SLC25A25: variants seen among roughly 807,000 people sequenced by gnomAD.
SLC25A25 encodes mitochondrial adenyl nucleotide antiporter SLC25A25.
Under a neutral mutation model 57.7 loss-of-function variants are expected in SLC25A25, and 32 were observed. That is an observed-to-expected ratio of 0.55 (90% confidence interval 0.42 to 0.74). The LOEUF is 0.74. Ranked by LOEUF, SLC25A25 falls within the 30% of genes least tolerant of loss-of-function variation. SLC25A25 has a pLI of 0.00. For missense variants in SLC25A25, 556 were observed against 701.3 expected, an observed-to-expected ratio of 0.79 and a Z score of 2.34; for synonymous variants, 306 against 291.2, an observed-to-expected ratio of 1.05 and a Z score of -0.52.
At chr9:128,105,018 C>T (rs1833960566) in intron 6 of SLC25A25, among the ~76,000 whole-genome samples, 1 of 151,024 alleles carries the variant, frequency 6.6e-6, no homozygotes, top group Admixed American at 6.6e-5. Flanking sequence ...GCTATCACCC[C>T]AGGCTAATTT....
chr9:128,097,303 G>C (rs1157193779), intron 1 of SLC25A25, among the ~76,000 whole-genome samples: 2 of 152,202 alleles, frequency 1.3e-5, no homozygotes, highest in Admixed American at 6.5e-5. Context: ...AGAGAGGGTC[G>C]TCCTGCCCTG....
In SLC25A25 at chr9:128,108,350, C is replaced by T. The variant is rs57052978; in HGVS notation, c.*906C>T. ...AAAGGGTTTTGTCCAGAAGGACAAG[C>T]CGGACAAATGAGCGACTTCTGTGCT... On this transcript the variant is annotated 3_prime_UTR_variant, in exon 11 of 11. Transcript: ENST00000373069. 1.0e-3 allele frequency: 397 copies of T among 398,160 alleles called. 2 individuals are homozygous for T. Among genetic ancestry groups the T allele is most frequent in the African/African-American group, 7.7e-3 (373 of 48,746 alleles). 24.7% of individuals were successfully genotyped at this position (398,160 alleles called of 1,614,324 possible). A position where few individuals can be genotyped will look rare whatever the true frequency, so the allele number is the denominator to read the frequency against.
intron 1 of SLC25A25, among the ~76,000 whole-genome samples, chr9:128,097,935 G>A (rs1196466179): frequency 6.6e-6 from 1 of 152,196 alleles, no homozygotes; most frequent in African/African-American, 2.4e-5. Flanking sequence ...GCCGTGTGTG[G>A]CCAGGGCAGC....
Position 128,108,074 on chromosome 9 carries a change from G to T in SLC25A25, c.*630G>T. 1 of 399,132 alleles carries T rather than the reference G, an allele frequency of 2.5e-6. No homozygotes were observed. The highest frequency in any genetic ancestry group is 4.4e-6 in the Non-Finnish European group (1 of 226,370). 24.7% of individuals were successfully genotyped at this position (399,132 alleles called of 1,614,324 possible). On this transcript the variant is annotated 3_prime_UTR_variant, in exon 11 of 11. Transcript: ENST00000373069. ...AGCCCTGCTGATGGCTGGGGCTCTC[G>T]GGCATGCTTGGGAGTGCAGGGGGCT...
intron 1 of SLC25A25, among the ~76,000 whole-genome samples, chr9:128,094,728 C>G (rs1833511198): frequency 6.6e-6 from 1 of 152,220 alleles, no homozygotes. Flanking sequence ...CGGCCTTTAC[C>G]TGAAGCACCT....
Position 128,105,646 on chromosome 9 carries a change from C to T in SLC25A25, c.784-83C>T, listed in dbSNP as rs117481192. 238 of 1,603,070 alleles carry T rather than the reference C, an allele frequency of 1.5e-4. No individual in the cohort carries two copies. The East Asian group carries it at 5.1e-3, about 34-fold the overall frequency. On this transcript the variant is annotated intron_variant, in intron 6 of 10. Transcript: ENST00000373069. ...AAAGGGCCTTCCCTTTGGCCGCAGC[C>T]GGTTGGCCAGCAGAGGCTCTTGGCC...
chr9:128,101,423 T>C lies in SLC25A25; in HGVS notation c.476+27T>C. 6.2e-7 allele frequency: 1 copy of C among 1,611,690 alleles called. No homozygotes were observed. Among genetic ancestry groups the C allele is most frequent in the Middle Eastern group, 1.7e-4 (1 of 5,750 alleles). Reference sequence around the variant, plus strand: ...TGAGTGCTCAGCCAGCCTCTGTGTTTGGTTTAAGTGTGATGAAGGGAAGGC... The same window carrying C: ...TGAGTGCTCAGCCAGCCTCTGTGTTCGGTTTAAGTGTGATGAAGGGAAGGC... On this transcript the variant is annotated intron_variant, in intron 3 of 10. Transcript: ENST00000373069. This position sits in a 1 kb window ranked among gnomAD's most constrained non-coding sequence, Gnocchi z 4.9.
At chr9:128,105,918 T>C (rs1834011960) in intron 7 of SLC25A25, 37 bp downstream of exon 7, 3 of 1,602,932 alleles carry the variant, frequency 1.9e-6, no homozygotes, top group Non-Finnish European at 2.6e-6. Flanking sequence ...CACCGGCCAG[T>C]GGCTACTCAC....
chr9:128,096,840 G>A (rs1379621919), intron 1 of SLC25A25, among the ~76,000 whole-genome samples: 1 of 152,248 alleles, frequency 6.6e-6, no homozygotes, highest in Non-Finnish European at 1.5e-5. Context: ...TTAAGAGATA[G>A]CTGAGTGTCA....
At chr9:128,105,698 G>A (rs369170860) in intron 6 of SLC25A25, 31 bp from the exon 7 acceptor site, 1 of 1,611,586 alleles carries the variant, frequency 6.2e-7, no homozygotes, top group South Asian at 1.1e-5. Flanking sequence ...GGCCCCCCGG[G>A]TCCGTCTGAC....
chr9:128,075,591 C>T (rs973119088), intron 1 of SLC25A25, among the ~76,000 whole-genome samples: 1 of 152,110 alleles, frequency 6.6e-6, no homozygotes, highest in African/African-American at 2.4e-5. Flanking sequence ...CCTATAATCT[C>T]AGCACTTTGG....
At chr9:128,069,119 C>T (rs1003547347) in intron 1 of SLC25A25, among the ~76,000 whole-genome samples, 1 of 152,260 alleles carries the variant, frequency 6.6e-6, no homozygotes, top group Non-Finnish European at 1.5e-5. Context: ...GGCTCATCTC[C>T]ATTGCCCTGT....
intron 6 of SLC25A25, 115 bp from the exon 7 acceptor site, chr9:128,105,614 A>G (rs1349509729): frequency 2.7e-6 from 4 of 1,498,426 alleles, no homozygotes; most frequent in Non-Finnish European, 2.8e-6. Flanking sequence ...TTCAAAATGC[A>G]CGGAAGAAAG....
chr9:128,091,807 G>T, intron 1 of SLC25A25: 1 of 1,534,788 alleles, frequency 6.5e-7, no homozygotes, highest in South Asian at 1.3e-5. Flanking sequence ...AGAGAGCGTT[G>T]GTACTGTGGT....
At chr9:128,072,695 G>C (rs942355823) in intron 1 of SLC25A25, among the ~76,000 whole-genome samples, 2 of 151,316 alleles carry the variant, frequency 1.3e-5, no homozygotes, top group African/African-American at 4.9e-5. Context: ...CTTGTTCTGG[G>C]ACAAAAAAAG....
intron 1 of SLC25A25, among the ~76,000 whole-genome samples, chr9:128,076,778 G>T (rs897766377): frequency 6.6e-6 from 1 of 152,072 alleles, no homozygotes; most frequent in African/African-American, 2.4e-5. Context: ...CTAACTTTTT[G>T]TTTTTAACCA....
chr9:128,081,077 G>A (rs939604755), intron 1 of SLC25A25, among the ~76,000 whole-genome samples: 8 of 152,170 alleles, frequency 5.3e-5, no homozygotes, highest in Non-Finnish European at 2.9e-5. Context: ...GGATCTAAAG[G>A]TAGATAGTTC....
intron 1 of SLC25A25, among the ~76,000 whole-genome samples, chr9:128,082,241 T>C (rs1214899300): frequency 6.6e-6 from 1 of 152,232 alleles, no homozygotes; most frequent in Non-Finnish European, 1.5e-5. Flanking sequence ...CGGTTCTGTT[T>C]CCTAAAATGG....
At chr9:128,093,395 G>T (rs536105896) in intron 1 of SLC25A25, among the ~76,000 whole-genome samples, 2 of 152,214 alleles carry the variant, frequency 1.3e-5, no homozygotes, top group Non-Finnish European at 2.9e-5. Context: ...CGAATGGCCG[G>T]CTCCTTTTAA....
Sources: allele counts gnomAD v4.1 joint callset (sites outside exome capture counted in the v4.1 genomes callset), GRCh38; gene constraint gnomAD v4.1.1; non-coding constraint Gnocchi (gnomAD v3.1); transcripts MANE v1.5; gene names NCBI Gene and HGNC (gene_info 2026-07-23, HGNC 2026-07-21).